Variants in ELMOD2 observed in about 807,000 individuals in gnomAD.
ELMOD2 encodes ELMO domain containing 2.
A neutral mutation model predicts 41.0 loss-of-function variants in ELMOD2; 28 were observed. That is an observed-to-expected ratio of 0.68 (90% CI 0.51 to 0.94). The LOEUF (loss-of-function observed/expected upper bound fraction) is 0.94, where lower values mean the gene tolerates loss of function less well. Ranked by LOEUF, ELMOD2 falls within the 40% of genes least tolerant of loss-of-function variation. The pLI is 0.00. For synonymous variants in ELMOD2, 106 were observed against 107.2 expected (o/e 0.99, Z 0.07); for missense variants, 333 against 343.1 (o/e 0.97, Z 0.23).
intron 3 of ELMOD2, among the ~76,000 whole-genome samples, chr4:140,534,508 C>T (rs1460872786): frequency 6.6e-6 from 1 of 152,078 alleles, no homozygotes; most frequent in African/African-American, 2.4e-5. Context: ...GATCAGACAA[C>T]ATCTGTGCCT....
intron 3 of ELMOD2, among the ~76,000 whole-genome samples, chr4:140,534,789 A>G (rs1390004281): frequency 6.6e-6 from 1 of 152,200 alleles, no homozygotes; most frequent in Non-Finnish European, 1.5e-5. Flanking sequence ...TAGAGAAAAT[A>G]TGGTGTGGTC....
intron 1 of ELMOD2, chr4:140,525,031 T>C (rs1468698545): frequency 1.8e-5 from 3 of 163,088 alleles, no homozygotes; most frequent in African/African-American, 7.2e-5. Flanking sequence ...TTGGTATATA[T>C]TTTAATTGTT....
At position 140,525,531 on chromosome 4, in the gene ELMOD2, T is replaced by A; in HGVS notation, c.103T>A (p.Phe35Ile). 6.2e-7 allele frequency: 1 copy of A among 1,613,898 alleles called. No homozygotes were observed. Among genetic ancestry groups the A allele is most frequent in the Non-Finnish European group, 8.5e-7 (1 of 1,179,904 alleles). The stretch of plus-strand genomic sequence containing the variant: ...TGGGAAGTGTGAATTGCAGCGAATA[T>A]TTGATACCTATGTAGGTGCACAAAG... ...MTGKCELQRI[F>I]DTYVGAQRTH... Residue 35 changes from phenylalanine (F) to isoleucine (I), a missense_variant, in exon 2 of 9, where the codon TTT (phenylalanine) becomes ATT (isoleucine). By Grantham distance (21) the Phe-to-Ile change is conservative. Coordinates refer to ENST00000323570, the MANE Select transcript of ELMOD2 (RefSeq NM_153702.4).
intron 1 of ELMOD2, chr4:140,525,214 A>C (rs1734517599): frequency 4.6e-6 from 2 of 437,202 alleles, no homozygotes; most frequent in Non-Finnish European, 7.9e-6. Context: ...AGTTTTGAAA[A>C]AGTGATTAAT....
intron 3 of ELMOD2, among the ~76,000 whole-genome samples, chr4:140,530,405 T>C (rs1335529290): frequency 6.6e-6 from 1 of 152,202 alleles, no homozygotes; most frequent in Non-Finnish European, 1.5e-5. Flanking sequence ...AAGACTGGAA[T>C]TGAATGTAAT....
intron 5 of ELMOD2, 141 bp downstream of exon 5, chr4:140,537,682 C>T (rs1282091906): frequency 1.2e-6 from 1 of 855,734 alleles, no homozygotes; most frequent in Non-Finnish European, 1.7e-6. Flanking sequence ...TTTTATTATG[C>T]TGGATTTCAC....
chr4:140,531,791 T>G (rs1734756880), intron 3 of ELMOD2, among the ~76,000 whole-genome samples: 1 of 152,144 alleles, frequency 6.6e-6, no homozygotes, highest in African/African-American at 2.4e-5. Flanking sequence ...ATGGACGAAG[T>G]CCTTGAAAAA....
At chr4:140,546,299 A>G (rs1735278173) in intron 8 of ELMOD2, among the ~76,000 whole-genome samples, 1 of 151,884 alleles carries the variant, frequency 6.6e-6, no homozygotes, top group Non-Finnish European at 1.5e-5. Flanking sequence ...GAACACTTGG[A>G]CACAGAAAGG....
Position 140,537,424 on chromosome 4 carries a change from C to A in ELMOD2, c.282C>A (p.Cys94Ter). The change falls in exon 5 of 9, where the codon TGC becomes TGA. Residue 94 changes from cysteine (C) to a stop codon, truncating the protein, a stop_gained. Transcript: ENST00000323570. LOFTEE classifies it high-confidence loss of function. Reference protein sequence around the residue: ...NPEKDASFKICMKMCLLQITG... With the variant: ...NPEKDASFKI ...TTATCATTTTTAGTTTTAAAATATG[C>A]ATGAAGATGTGCTTACTGCAGATAA... The A allele has an allele frequency of 6.6e-7, 1 of 1,525,540 alleles. No homozygotes were observed. The highest frequency in any genetic ancestry group is 8.7e-7 in the Non-Finnish European group (1 of 1,144,822). 94.5% of individuals were successfully genotyped at this position (1,525,540 alleles called of 1,614,324 possible). A position where few individuals can be genotyped will look rare whatever the true frequency, so the allele number is the denominator to read the frequency against.
chr4:140,535,948 C>A, intron 4 of ELMOD2, 118 bp downstream of exon 4: 1 of 869,186 alleles, frequency 1.2e-6, no homozygotes. Flanking sequence ...TCTGATTCAG[C>A]GCTCTCACTT....
chr4:140,549,204 C>T (rs1323220997), intron 8 of ELMOD2, among the ~76,000 whole-genome samples: 2 of 151,970 alleles, frequency 1.3e-5, no homozygotes, highest in Admixed American at 6.6e-5. Context: ...GTATTAATAG[C>T]TTTTTTATTT....
intron 7 of ELMOD2, among the ~76,000 whole-genome samples, 168 bp from the exon 8 acceptor site, chr4:140,543,285 C>A (rs557110132): frequency 6.6e-6 from 1 of 151,788 alleles, no homozygotes; most frequent in South Asian, 2.1e-4. Context: ...CTTTAAAAAG[C>A]AAAAATGTTA....
intron 3 of ELMOD2, among the ~76,000 whole-genome samples, chr4:140,530,037 A>C (rs1734695612): frequency 6.6e-6 from 1 of 152,224 alleles, no homozygotes; most frequent in Non-Finnish European, 1.5e-5. Context: ...TGAATGAATA[A>C]GTGAGAAAAA....
At chr4:140,545,799 C>G (rs1415811199) in intron 8 of ELMOD2, among the ~76,000 whole-genome samples, 2 of 152,020 alleles carry the variant, frequency 1.3e-5, no homozygotes, top group Non-Finnish European at 2.9e-5. Context: ...TCATGTCACA[C>G]CAGTTAGAAT....
At chr4:140,526,586 G>A (rs1389888230) in intron 2 of ELMOD2, 1 of 152,142 alleles carries the variant, frequency 6.6e-6, no homozygotes, top group Non-Finnish European at 1.5e-5. Flanking sequence ...GGTTAAGAGA[G>A]TGGAGTATTG....
intron 2 of ELMOD2, chr4:140,526,634 TGACA>T (rs1309994078): frequency 2.0e-5 from 3 of 152,188 alleles, no homozygotes; most frequent in Non-Finnish European, 4.4e-5. Flanking sequence ...ATCGGAAGAA[TGACA>T]GACAGACGCT....
chr4:140,527,760 G>A (rs1394194925), intron 3 of ELMOD2: 9 of 376,314 alleles, frequency 2.4e-5, no homozygotes, highest in African/African-American at 1.7e-4. Context: ...TTTTAGGAAA[G>A]CAGGGCCTTA....
At chr4:140,549,054 C>T (rs1322690336) in intron 8 of ELMOD2, among the ~76,000 whole-genome samples, 2 of 144,354 alleles carry the variant, frequency 1.4e-5, no homozygotes, top group Non-Finnish European at 3.0e-5. Flanking sequence ...GCCTCTTGCT[C>T]CTCCCCCCAC....
At chr4:140,544,473 G>GTTTTT (rs1232506766) in intron 8 of ELMOD2, among the ~76,000 whole-genome samples, 1 of 151,984 alleles carries the variant, frequency 6.6e-6, no homozygotes, top group Non-Finnish European at 1.5e-5. Flanking sequence ...GCCTTTAGCA[G>GTTTTT]TTTTTTTGTG....
Sources: gnomAD v4.1 joint callset for allele counts (sites outside exome capture counted in the v4.1 genomes callset) on GRCh38, gnomAD v4.1.1 for gene constraint, MANE v1.5 for transcripts, NCBI Gene and HGNC (gene_info 2026-07-23, HGNC 2026-07-21) for gene names.